Variants in FAF1 observed in about 807,000 individuals in gnomAD.
The protein encoded by FAF1 is Fas associated factor 1, also known as FAS-associated factor 1.
In FAF1, 25 loss-of-function variants were observed where a neutral mutation model predicts 92.5. That is an observed-to-expected ratio of 0.27 (90% CI 0.20 to 0.38). The LOEUF is 0.38. Among genes scored for constraint, FAF1 ranks in the 10% least tolerant of loss-of-function variants. The pLI is 1.00. For missense variants in FAF1, 636 were observed against 793.3 expected (o/e 0.80, Z 2.38); for synonymous variants, 234 against 273.2 (o/e 0.86, Z 1.42).
chr1:50,822,743 G>GT (rs757343855), intron 2 of FAF1, among the ~76,000 whole-genome samples: 1,473 of 141,298 alleles, frequency 0.01, 29 homozygotes, highest in African/African-American at 0.038. Context: ...TTTTTTTGGT[G>GT]TTTTTTCTTT....
Position 50,778,009 on chromosome 1 carries a change from T to C in FAF1, c.367+9991A>G, listed in dbSNP as rs190528924. Reference sequence around the variant, plus strand: ...ATGCCAAAAACATGTACAAGAATGTTCACAGCAGCTTGGTAACGCTAGAAA... The same window carrying C: ...ATGCCAAAAACATGTACAAGAATGTCCACAGCAGCTTGGTAACGCTAGAAA... On this transcript the variant is annotated intron_variant, in intron 4 of 18. Coordinates refer to ENST00000396153, the MANE Select transcript of FAF1 (RefSeq NM_007051.3). Among the ~76,000 whole-genome samples, 19 of 152,324 alleles carry C rather than the reference T, an allele frequency of 1.2e-4. No individual in the cohort carries two copies. The East Asian group carries it at 3.7e-3, about 29-fold the overall frequency.
intron 18 of FAF1, among the ~76,000 whole-genome samples, chr1:50,455,871 G>A (rs1453375021): frequency 2.0e-5 from 3 of 151,848 alleles, no homozygotes; most frequent in Non-Finnish European, 4.4e-5. Context: ...TCAGGAGTTC[G>A]AGACCAGCCA....
At chr1:50,705,927 A>C (rs1657657459) in intron 6 of FAF1, 36 bp from the exon 7 acceptor site, 3 of 1,309,936 alleles carry the variant, frequency 2.3e-6, no homozygotes, top group Non-Finnish European at 3.3e-6. Flanking sequence ...GAACTCAGAG[A>C]TGAACAAGTT....
At chr1:50,493,605 C>T (rs1036200764) in intron 15 of FAF1, among the ~76,000 whole-genome samples, 3 of 152,162 alleles carry the variant, frequency 2.0e-5, no homozygotes, top group Non-Finnish European at 4.4e-5. Flanking sequence ...TTATTTAATG[C>T]TAAACTACCC....
chr1:50,726,671 T>C (rs1342932972), intron 6 of FAF1, among the ~76,000 whole-genome samples: 2 of 151,800 alleles, frequency 1.3e-5, no homozygotes, highest in Non-Finnish European at 2.9e-5. Context: ...CTACTAAAAA[T>C]ACAAAAAATT....
chr1:50,821,845 G>T (rs1001495638), intron 2 of FAF1, among the ~76,000 whole-genome samples: 4 of 151,888 alleles, frequency 2.6e-5, no homozygotes, highest in Middle Eastern at 6.8e-3. Context: ...ATTTTTGAAG[G>T]CAAAGAATGA....
At chr1:50,949,012 C>T (rs1414659588) in intron 1 of FAF1, among the ~76,000 whole-genome samples, 1 of 152,136 alleles carries the variant, frequency 6.6e-6, no homozygotes, top group Non-Finnish European at 1.5e-5. Context: ...ACATCCAAAC[C>T]ATGTCATAAA....
intron 8 of FAF1, among the ~76,000 whole-genome samples, chr1:50,649,681 G>T (rs1408519481): frequency 6.6e-6 from 1 of 151,152 alleles, no homozygotes; most frequent in African/African-American, 2.4e-5. Flanking sequence ...AGTGCCTCAT[G>T]CCTGTAATCC....
intron 7 of FAF1, among the ~76,000 whole-genome samples, chr1:50,698,780 T>A (rs988963295): frequency 1.3e-5 from 2 of 152,088 alleles, no homozygotes; most frequent in Non-Finnish European, 2.9e-5. Flanking sequence ...ATGAGTACAT[T>A]AATATGAATC....
intron 7 of FAF1, among the ~76,000 whole-genome samples, chr1:50,683,138 G>A (rs948800013): frequency 6.6e-6 from 1 of 152,118 alleles, no homozygotes; most frequent in Admixed American, 6.5e-5. Flanking sequence ...ATGTTACATA[G>A]GATGGTTAGA....
intron 6 of FAF1, among the ~76,000 whole-genome samples, chr1:50,733,582 T>C (rs78109153): frequency 0.03 from 4,591 of 152,182 alleles, 238 homozygotes; most frequent in African/African-American, 0.11. Context: ...GATGTCCTTA[T>C]AAAAAGATGA....
intron 1 of FAF1, among the ~76,000 whole-genome samples, chr1:50,878,717 T>C (rs1019270915): frequency 1.3e-5 from 2 of 152,164 alleles, no homozygotes; most frequent in African/African-American, 4.8e-5. Flanking sequence ...TTAAAATCCT[T>C]ACACATTAAA....
intron 17 of FAF1, among the ~76,000 whole-genome samples, chr1:50,489,741 T>C (rs1646808172): frequency 6.6e-6 from 1 of 152,194 alleles, no homozygotes. Context: ...GCTAAATGAA[T>C]TTCCCATATT....
chr1:50,751,673 TA>T (rs1331677736), intron 4 of FAF1, among the ~76,000 whole-genome samples: 49 of 152,332 alleles, frequency 3.2e-4, no homozygotes, highest in African/African-American at 1.1e-3. Flanking sequence ...CCACATGGCC[TA>T]CTTGGCTATG....
intron 6 of FAF1, among the ~76,000 whole-genome samples, chr1:50,720,900 TC>T (rs1338426414): frequency 6.6e-6 from 1 of 152,168 alleles, no homozygotes; most frequent in East Asian, 1.9e-4. Flanking sequence ...TATCATACCA[TC>T]CACCAGAAGC....
chr1:50,803,522 C>A (rs114573542), intron 2 of FAF1, among the ~76,000 whole-genome samples: 116 of 152,144 alleles, frequency 7.6e-4, no homozygotes, highest in African/African-American at 2.7e-3. Flanking sequence ...CTTTTTGTTT[C>A]TCAAAGGCCT....
At chr1:50,856,456 C>A (rs1644391048) in intron 2 of FAF1, among the ~76,000 whole-genome samples, 1 of 151,636 alleles carries the variant, frequency 6.6e-6, no homozygotes, top group African/African-American at 2.4e-5. Flanking sequence ...TGGAGTATAG[C>A]AACAATGGTT....
intron 7 of FAF1, among the ~76,000 whole-genome samples, chr1:50,700,447 T>C (rs1027583587): frequency 6.6e-6 from 1 of 152,144 alleles, no homozygotes; most frequent in African/African-American, 2.4e-5. Flanking sequence ...AGCTGCTGAT[T>C]TTGCCTTTGA....
At chr1:50,708,984 G>A (rs1355090542) in intron 6 of FAF1, among the ~76,000 whole-genome samples, 4 of 152,102 alleles carry the variant, frequency 2.6e-5, no homozygotes, top group African/African-American at 7.2e-5. Context: ...CAATAGATGG[G>A]GTCAATGATC....
Sources: gnomAD v4.1 joint callset for allele counts (sites outside exome capture counted in the v4.1 genomes callset) on GRCh38, gnomAD v4.1.1 for gene constraint, MANE v1.5 for transcripts, NCBI Gene and HGNC (gene_info 2026-07-23, HGNC 2026-07-21) for gene names.